The following GLS variants were observed in gnomAD, a reference collection of about 807,000 sequenced individuals.
GLS encodes the protein glutaminase kidney isoform, mitochondrial.
In GLS, 36 loss-of-function variants were observed where a neutral mutation model predicts 86.7. That is an observed-to-expected ratio of 0.42 (90% confidence interval 0.32 to 0.55). GLS has a LOEUF of 0.55. Among genes scored for constraint, GLS ranks in the 20% least tolerant of loss-of-function variants. The probability of loss-of-function intolerance (pLI) is 0.17; values close to 1 mark genes in which losing one functional copy is unlikely to be tolerated. For missense variants in GLS, 528 were observed against 833.4 expected (o/e 0.63, Z 4.51); for synonymous variants, 317 against 305.9 (o/e 1.04, Z -0.38).
intron 11 of GLS, 145 bp from the exon 12 acceptor site, chr2:190,927,161 C>G: frequency 1.4e-6 from 1 of 689,726 alleles, no homozygotes; most frequent in South Asian, 2.3e-5. Flanking sequence ...CTAAAATCTT[C>G]AGAATGTCCT....
chr2:190,908,236 C>A (rs1324540863), intron 6 of GLS, among the ~76,000 whole-genome samples: 1 of 151,958 alleles, frequency 6.6e-6, no homozygotes, highest in Non-Finnish European at 1.5e-5. Flanking sequence ...AATATAATAC[C>A]GAAAATATAA....
intron 12 of GLS, among the ~76,000 whole-genome samples, chr2:190,928,695 T>C (rs1334992510): frequency 7.0e-6 from 1 of 143,452 alleles, no homozygotes; most frequent in East Asian, 1.9e-4. Flanking sequence ...ACATTATGAT[T>C]GGGTTTTGTC....
intron 1 of GLS, among the ~76,000 whole-genome samples, chr2:190,890,800 AT>A (rs1171858532): frequency 6.6e-6 from 1 of 151,850 alleles, no homozygotes; most frequent in Non-Finnish European, 1.5e-5. Flanking sequence ...ATTAGGCCTC[AT>A]TTTTTTTAAT....
At chr2:190,928,609 A>G (rs1308967283) in intron 12 of GLS, among the ~76,000 whole-genome samples, 1 of 151,966 alleles carries the variant, frequency 6.6e-6, no homozygotes, top group African/African-American at 2.4e-5. Flanking sequence ...TGCTGGGATT[A>G]CAGGTGTGAG....
At chr2:190,903,523 A>G (rs560812510) in intron 5 of GLS, among the ~76,000 whole-genome samples, 51 of 152,196 alleles carry the variant, frequency 3.4e-4, no homozygotes, top group Non-Finnish European at 6.2e-4. Flanking sequence ...AGGGAATGGT[A>G]TTCCTGTTTT....
chr2:190,960,141 A>C (rs2124957708), intron 17 of GLS, among the ~76,000 whole-genome samples: 1 of 152,318 alleles, frequency 6.6e-6, no homozygotes, highest in East Asian at 1.9e-4. Context: ...ATGTACAGTA[A>C]ACTCTAGATT....
rs535708325 is a variant in GLS at position 190,930,839 on chromosome 2, A to G, written c.1557+271A>G. ...TAGTATGAATTTTCAAAAGCTCAAC[A>G]AAAGGTATTAAACTTGGAGAAGTAA... On this transcript the variant is annotated intron_variant, in intron 13 of 17. Transcript: ENST00000320717. This position sits in a 1 kb window ranked among gnomAD's most constrained non-coding sequence, Gnocchi z 5.0. Among the ~76,000 whole-genome samples the G allele has an allele frequency of 1.7e-4, 26 of 152,354 alleles. No homozygotes were observed. Among genetic ancestry groups the G allele is most frequent in the African/African-American group, 6.3e-4 (26 of 41,588 alleles).
intron 14 of GLS, among the ~76,000 whole-genome samples, chr2:190,942,066 A>AATTTTTTTTTTTTTT (rs1160472609): frequency 2.0e-5 from 1 of 50,730 alleles, no homozygotes; most frequent in Non-Finnish European, 5.4e-5. Flanking sequence ...AACTTTGAAG[A>AATTTTTTTTTTTTTT]CTTTTTTTTT....
At chr2:190,939,545 C>G (rs1249324984) in intron 14 of GLS, among the ~76,000 whole-genome samples, 1 of 151,494 alleles carries the variant, frequency 6.6e-6, no homozygotes, top group Admixed American at 6.6e-5. Context: ...CACATTTGAA[C>G]CATTTTATTG....
chr2:190,881,645 C>T (rs956208569), intron 1 of GLS, 175 bp downstream of exon 1: 2 of 581,760 alleles, frequency 3.4e-6, no homozygotes, highest in Non-Finnish European at 5.6e-6. Flanking sequence ...CCCGCCCGCG[C>T]CTTCCCCGCC....
intron 7 of GLS, among the ~76,000 whole-genome samples, chr2:190,918,577 C>T (rs1343830798): frequency 2.0e-5 from 3 of 152,038 alleles, no homozygotes; most frequent in Non-Finnish European, 2.9e-5. Context: ...CCATCATTTG[C>T]GTGTTCATTG....
intron 7 of GLS, among the ~76,000 whole-genome samples, chr2:190,915,030 T>TTTTTC (rs200198442): frequency 0.014 from 2,204 of 152,222 alleles, 52 homozygotes; most frequent in African/African-American, 0.049. Context: ...TTACTTTTTT[T>TTTTTC]TTTTGAGACG....
At position 190,881,334 on chromosome 2, in the gene GLS, G is replaced by A. The variant is rs1337093365; in HGVS notation, c.250G>A (p.Gly84Ser). ...TCCTTCGGAGATCTTGCAGGAGCTG[G>A]GCAAGGGGAGCACGCATCCGCAGCC... ...SSPSEILQEL[G>S]KGSTHPQPGV... is the part of the protein sequence containing the mutation. The change falls in exon 1 of 18, where the codon GGC (glycine) becomes AGC (serine). Residue 84 changes from glycine to serine, a missense_variant. Around this residue, in one of 4 missense-constraint regions of GLS, gnomAD observed 224 missense variants for 187.9 expected, o/e 1.19. Coordinates refer to ENST00000320717, the MANE Select transcript of GLS (RefSeq NM_014905.5). 6.5e-7 allele frequency: 1 copy of A among 1,532,410 alleles called. No individual in the cohort carries two copies. Among genetic ancestry groups the A allele is most frequent in the Admixed American group, 2.0e-5 (1 of 50,184 alleles). The allele number at this position is 1,532,410 out of a possible 1,614,324, so 94.9% of individuals were successfully genotyped here.
chr2:190,895,537 A>G lies in GLS; in HGVS notation c.484-67A>G. 1.8e-6 allele frequency: 2 copies of G among 1,108,576 alleles called. No homozygotes were observed. The highest frequency in any genetic ancestry group is 2.6e-6 in the Non-Finnish European group (2 of 768,820). 68.7% of individuals were successfully genotyped at this position (1,108,576 alleles called of 1,614,324 possible). A position where few individuals can be genotyped will look rare whatever the true frequency, so the allele number is the denominator to read the frequency against. On this transcript the variant is annotated intron_variant, in intron 2 of 17. Coordinates refer to ENST00000320717, the MANE Select transcript of GLS (RefSeq NM_014905.5). The surrounding 1 kb of genome is among the most constrained non-coding windows in gnomAD (Gnocchi z 4.2). ...TTTTTATATACAGGAATAAAATCTTATAGTTGGTATAAGCATATACATTAT... is the reference window on the plus strand; with the variant it reads ...TTTTTATATACAGGAATAAAATCTTGTAGTTGGTATAAGCATATACATTAT...
At chr2:190,931,501 T>C in intron 13 of GLS, 44 bp from the exon 14 acceptor site, 1 of 853,692 alleles carries the variant, frequency 1.2e-6, no homozygotes, top group Non-Finnish European at 1.9e-6. Context: ...ATATAACCAA[T>C]GAATAGCCAA....
intron 7 of GLS, among the ~76,000 whole-genome samples, chr2:190,917,362 G>A (rs1041667010): frequency 6.6e-6 from 1 of 152,056 alleles, no homozygotes; most frequent in Non-Finnish European, 1.5e-5. Context: ...ATATCTTCAG[G>A]CTCTACTTTT....
At chr2:190,882,501 GACACTCTA>G (rs1315941077) in intron 1 of GLS, among the ~76,000 whole-genome samples, 1 of 152,178 alleles carries the variant, frequency 6.6e-6, no homozygotes, top group Non-Finnish European at 1.5e-5. Context: ...TTTGTACGCT[GACACTCTA>G]ACCTGTTTTG....
At chr2:190,933,762 TATC>T (rs1216196188) in intron 14 of GLS, 57 of 702,446 alleles carry the variant, frequency 8.1e-5, no homozygotes, top group Middle Eastern at 1.5e-3. Context: ...TACATTTTAT[TATC>T]TTAATTTTAT....
In GLS at chr2:190,955,073, A is replaced by G. The variant is rs987441801; in HGVS notation, c.1853+255A>G. Among the ~76,000 whole-genome samples, 2 of 149,630 alleles carry G rather than the reference A, an allele frequency of 1.3e-5. No individual in the cohort carries two copies. Among genetic ancestry groups the G allele is most frequent in the Non-Finnish European group, 1.5e-5 (1 of 67,184 alleles). ...GTCAATACACTGTATGAACAAAACA[A>G]TTTTTTTTTTGCATTTGGGAAGAAA... On this transcript the variant is annotated intron_variant, in intron 17 of 17. Coordinates refer to ENST00000320717, the MANE Select transcript of GLS (RefSeq NM_014905.5). This position sits in a 1 kb window ranked among gnomAD's most constrained non-coding sequence, Gnocchi z 5.6.
Sources: gnomAD v4.1 joint callset for allele counts (sites outside exome capture counted in the v4.1 genomes callset) on GRCh38, gnomAD v4.1.1 for gene constraint, gnomAD v4.1.1 regional missense constraint, Gnocchi (gnomAD v3.1) non-coding constraint, MANE v1.5 for transcripts, NCBI Gene and HGNC (gene_info 2026-07-23, HGNC 2026-07-21) for gene names.